The following MYO5B variants were observed in gnomAD, a reference collection of about 807,000 sequenced individuals.
MYO5B encodes unconventional myosin-Vb.
MYO5B carries 143 observed loss-of-function variants against 229.3 expected under a neutral mutation model. The observed-to-expected ratio is 0.62, with a 90% CI of 0.54 to 0.72. The LOEUF (loss-of-function observed/expected upper bound fraction) is 0.72, where lower values mean the gene tolerates loss of function less well. MYO5B is among the 30% of genes least tolerant of loss of function. MYO5B has a pLI of 0.00. For synonymous variants in MYO5B, 918 were observed against 885.2 expected, an observed-to-expected ratio of 1.04 and a Z score of -0.66; for missense variants, 2,321 against 2,331.0, an observed-to-expected ratio of 1.00 and a Z score of 0.09.
At chr18:49,945,767 G>GGA (rs1225347377) in intron 14 of MYO5B, among the ~76,000 whole-genome samples, 6 of 151,118 alleles carry the variant, frequency 4.0e-5, no homozygotes, top group African/African-American at 1.2e-4. Flanking sequence ...AGGAGGAGGA[G>GGA]GAGGAGAGGA....
chr18:50,163,187 C>T (rs766811599), intron 1 of MYO5B, among the ~76,000 whole-genome samples: 2 of 152,194 alleles, frequency 1.3e-5, no homozygotes, highest in Non-Finnish European at 2.9e-5. Context: ...CCCAACCAAG[C>T]CTGCTAATAT....
chr18:49,945,479 G>A (rs1365977758), intron 14 of MYO5B, among the ~76,000 whole-genome samples: 2 of 151,392 alleles, frequency 1.3e-5, no homozygotes, highest in Non-Finnish European at 1.5e-5. Flanking sequence ...ATCTGGAGCT[G>A]GAGCTGCTGC....
In MYO5B at chr18:49,915,615, T is replaced by C. The variant is rs2025005188; in HGVS notation, c.2091-3442A>G. Among the ~76,000 whole-genome samples the C allele has an allele frequency of 2.6e-5, 4 of 152,240 alleles. 1 individual carries two copies. The South Asian group carries it at 8.3e-4, about 31-fold the overall frequency. On this transcript the variant is annotated intron_variant, in intron 17 of 39. Coordinates refer to ENST00000285039, the MANE Select transcript of MYO5B (RefSeq NM_001080467.3). ...GTGGAAAGACTGTGAACCAAACCCA[T>C]TGAGTTGCTGATTATCTCTGACAGG...
intron 4 of MYO5B, among the ~76,000 whole-genome samples, chr18:50,012,435 C>A (rs1202894760): frequency 6.6e-6 from 1 of 152,152 alleles, no homozygotes; most frequent in Non-Finnish European, 1.5e-5. Flanking sequence ...TTTATTAATT[C>A]CAAGTTCTAG....
chr18:50,022,530 G>A (rs1196368900), intron 4 of MYO5B, among the ~76,000 whole-genome samples: 1 of 152,114 alleles, frequency 6.6e-6, no homozygotes. Context: ...AAAGACAAGG[G>A]ACAAATGCCA....
intron 1 of MYO5B, among the ~76,000 whole-genome samples, chr18:50,189,793 C>T (rs1462107536): frequency 6.6e-6 from 1 of 152,172 alleles, no homozygotes; most frequent in Non-Finnish European, 1.5e-5. Flanking sequence ...TTGCTGCCTT[C>T]AGACTGACAC....
At chr18:50,029,973 T>C (rs1471409957) in intron 4 of MYO5B, among the ~76,000 whole-genome samples, 2 of 152,170 alleles carry the variant, frequency 1.3e-5, no homozygotes, top group Non-Finnish European at 2.9e-5. Context: ...CCAAACAATG[T>C]AACAGCCCAG....
At chr18:50,010,448 C>T (rs1204738898) in intron 4 of MYO5B, among the ~76,000 whole-genome samples, 1 of 152,296 alleles carries the variant, frequency 6.6e-6, no homozygotes, top group African/African-American at 2.4e-5. Flanking sequence ...TAGGGCACTC[C>T]TCGGTGTAAA....
intron 17 of MYO5B, among the ~76,000 whole-genome samples, chr18:49,925,525 T>A (rs143618617): frequency 6.6e-6 from 1 of 152,232 alleles, no homozygotes; most frequent in African/African-American, 2.4e-5. Context: ...AAATATTCTA[T>A]AGTTTGACTC....
At chr18:49,840,341 C>T (rs547312171) in intron 35 of MYO5B, 1 of 152,286 alleles carries the variant, frequency 6.6e-6, no homozygotes, top group Admixed American at 6.5e-5. Context: ...TAACCTTTGG[C>T]CCATCTCTTT....
At position 49,841,520 on chromosome 18, in the gene MYO5B, C is replaced by T; in HGVS notation, c.4612-66G>A. 6 of 1,384,670 alleles carry T rather than the reference C, an allele frequency of 4.3e-6. No individual in the cohort carries two copies. In the South Asian group the frequency reaches 6.9e-5, roughly 16 times the overall value. 85.8% of individuals were successfully genotyped at this position (1,384,670 alleles called of 1,614,324 possible). On this transcript the variant is annotated intron_variant, in intron 34 of 39. Transcript: ENST00000285039. ...CATCTGGTGAAATGCTTCCTCGGTA[C>T]CTCTTTCCCCACATTTCCTACCCTT...
intron 5 of MYO5B, among the ~76,000 whole-genome samples, chr18:50,000,308 A>C (rs2026032127): frequency 6.6e-6 from 1 of 152,194 alleles, no homozygotes; most frequent in Non-Finnish European, 1.5e-5. Flanking sequence ...CTTGCGGCTC[A>C]ACTAATGTCT....
chr18:50,061,381 TAC>T (rs2030682425), intron 1 of MYO5B, among the ~76,000 whole-genome samples: 1 of 152,184 alleles, frequency 6.6e-6, no homozygotes, highest in South Asian at 2.1e-4. Flanking sequence ...GATATTACTA[TAC>T]AGTTTTGTCG....
intron 30 of MYO5B, among the ~76,000 whole-genome samples, chr18:49,853,951 T>C (rs982237138): frequency 6.6e-6 from 1 of 152,242 alleles, no homozygotes; most frequent in Admixed American, 6.5e-5. Flanking sequence ...AAAGACTGTC[T>C]CCCTGTCAAA....
chr18:50,090,718 T>G (rs77603430), intron 1 of MYO5B, among the ~76,000 whole-genome samples: 1 of 152,178 alleles, frequency 6.6e-6, no homozygotes, highest in South Asian at 2.1e-4. Context: ...TACCAAAGTC[T>G]GCCTACAACT....
chr18:50,055,230 A>ACACCCC, intron 2 of MYO5B, 38 bp downstream of exon 2: 2 of 258,418 alleles, frequency 7.7e-6, no homozygotes, highest in African/African-American at 4.0e-5. Flanking sequence ...TCCCTGCCCC[A>ACACCCC]CCTCACCCCC....
intron 1 of MYO5B, among the ~76,000 whole-genome samples, chr18:50,191,398 G>A (rs1406908631): frequency 6.6e-6 from 1 of 152,152 alleles, no homozygotes; most frequent in Non-Finnish European, 1.5e-5. Context: ...TCACACCAAT[G>A]AAGCTACTTT....
At chr18:50,073,393 T>C (rs188553918) in intron 1 of MYO5B, among the ~76,000 whole-genome samples, 1 of 152,304 alleles carries the variant, frequency 6.6e-6, no homozygotes, top group Admixed American at 6.5e-5. Context: ...CAAGCCCTCC[T>C]CTACATGCAA....
At position 49,937,292 on chromosome 18, in the gene MYO5B, G is replaced by A. The variant is rs1360856766; in HGVS notation, c.1858C>T (p.Pro620Ser). 1.2e-6 allele frequency: 2 copies of A among 1,614,144 alleles called. No homozygotes were observed. Among genetic ancestry groups the A allele is most frequent in the African/African-American group, 1.3e-5 (1 of 75,024 alleles). Residue 620 changes from proline (P) to serine (S), a missense_variant, in exon 15 of 40, where the codon CCC (proline) becomes TCC (serine). This residue lies in a region of MYO5B where 2,113 missense variants were observed against 2,044.7 expected (regional missense o/e 1.03). Coordinates refer to ENST00000285039, the MANE Select transcript of MYO5B (RefSeq NM_001080467.3). ...SKISVRSARP[P>S]MKVSNKEHKK... ...TGCTCCTTGTTGGAGACTTTCATGG[G>A]GGGTCTGGCAGAACGGACGCTGATC...
Sources: allele counts gnomAD v4.1 joint callset (sites outside exome capture counted in the v4.1 genomes callset), GRCh38; gene constraint gnomAD v4.1.1; regional missense constraint gnomAD v4.1.1; transcripts MANE v1.5; gene names NCBI Gene and HGNC (gene_info 2026-07-23, HGNC 2026-07-21).